Variants in HDAC9 observed in about 807,000 individuals in gnomAD.
The protein encoded by HDAC9 is MEF-2 interacting transcription repressor (MITR) protein.
A neutral mutation model predicts 139.4 loss-of-function variants in HDAC9; 41 were observed. The ratio of observed to expected loss-of-function variants is 0.29; its 90% CI spans 0.23 to 0.38. The LOEUF (loss-of-function observed/expected upper bound fraction) is 0.38. Among genes scored for constraint, HDAC9 ranks in the 10% least tolerant of loss-of-function variants. The pLI, the probability that HDAC9 is intolerant of heterozygous loss-of-function variation, is 1.00. For missense variants in HDAC9, 1,147 were observed against 1,297.0 expected, an observed-to-expected ratio of 0.88 and a Z score of 1.78; for synonymous variants, 517 against 476.2, an observed-to-expected ratio of 1.09 and a Z score of -1.12.
At chr7:18,138,291 G>T (rs1156399064) in intron 1 of HDAC9, among the ~76,000 whole-genome samples, 1 of 151,870 alleles carries the variant, frequency 6.6e-6, no homozygotes, top group Non-Finnish European at 1.5e-5. Context: ...GTTCTAAGGA[G>T]ACCATGAGCC....
intron 2 of HDAC9, among the ~76,000 whole-genome samples, chr7:18,256,024 T>G (rs1261543310): frequency 6.6e-6 from 1 of 152,122 alleles, no homozygotes; most frequent in Admixed American, 6.5e-5. Context: ...GATTTCATGA[T>G]TATTGTTGTT....
intron 13 of HDAC9, among the ~76,000 whole-genome samples, chr7:18,737,320 G>A (rs911454699): frequency 6.6e-6 from 1 of 152,120 alleles, no homozygotes; most frequent in Non-Finnish European, 1.5e-5. Context: ...GTTTAACTGT[G>A]ATATTAGGGT....
At chr7:18,510,392 T>A (rs896656124) in intron 2 of HDAC9, among the ~76,000 whole-genome samples, 1 of 152,142 alleles carries the variant, frequency 6.6e-6, no homozygotes, top group African/African-American at 2.4e-5. Context: ...AAGAGAAGAA[T>A]AAATTTAGTT....
At chr7:18,890,514 C>G (rs1010990759) in intron 22 of HDAC9, among the ~76,000 whole-genome samples, 1 of 152,148 alleles carries the variant, frequency 6.6e-6, no homozygotes, top group Non-Finnish European at 1.5e-5. Context: ...GTAAATAGTA[C>G]AGGTTTAATA....
In HDAC9 at chr7:18,585,265, T is replaced by C. The variant is rs750171131; in HGVS notation, c.23-16T>C. On this transcript the variant is annotated splice_polypyrimidine_tract_variant and intron_variant, in intron 2 of 25. Coordinates refer to ENST00000686413, the MANE Select transcript of HDAC9 (RefSeq NM_178425.4). ...ACCCTCCCCCACCCCATTTCCCTTT[T>C]TTTCTGGTTCTTTAGTGGATGTGAA... is the stretch of plus-strand genomic sequence containing the variant. 6.2e-7 allele frequency: 1 copy of C among 1,610,360 alleles called. No individual in the cohort carries two copies.
intron 1 of HDAC9, among the ~76,000 whole-genome samples, chr7:18,306,181 C>T (rs1316398649): frequency 6.6e-6 from 1 of 152,164 alleles, no homozygotes; most frequent in Admixed American, 6.5e-5. Context: ...GTACAACAGG[C>T]ACACAGGGTG....
intron 1 of HDAC9, among the ~76,000 whole-genome samples, chr7:18,114,957 G>A (rs548134013): frequency 6.6e-6 from 1 of 152,096 alleles, no homozygotes; most frequent in African/African-American, 2.4e-5. Context: ...CACTCCCAGG[G>A]AGCATAGAGT....
intron 2 of HDAC9, among the ~76,000 whole-genome samples, chr7:18,243,289 T>C (rs942790055): frequency 7.2e-5 from 11 of 152,256 alleles, no homozygotes; most frequent in Non-Finnish European, 1.3e-4. Context: ...ATTCTTGACT[T>C]CCTTTTCTTT....
chr7:18,961,380 A>T (rs1434080753), intron 24 of HDAC9, among the ~76,000 whole-genome samples: 1 of 152,176 alleles, frequency 6.6e-6, no homozygotes, highest in East Asian at 1.9e-4. Flanking sequence ...AGGATTAATA[A>T]TGTCTGGGTT....
chr7:18,238,612 T>A (rs1033885592), intron 2 of HDAC9, among the ~76,000 whole-genome samples: 1 of 152,174 alleles, frequency 6.6e-6, no homozygotes, highest in African/African-American at 2.4e-5. Flanking sequence ...ACCACAATTT[T>A]TAGATTCAGT....
At chr7:18,109,541 G>T (rs904085330) in intron 1 of HDAC9, among the ~76,000 whole-genome samples, 16 of 152,008 alleles carry the variant, frequency 1.1e-4, no homozygotes, top group African/African-American at 3.6e-4. Context: ...ATACATAGAT[G>T]GATTTCATAG....
At chr7:18,992,201 A>C (rs148794968) in intron 25 of HDAC9, among the ~76,000 whole-genome samples, 33 of 152,360 alleles carry the variant, frequency 2.2e-4, no homozygotes, top group African/African-American at 7.9e-4. Flanking sequence ...TATACTAGGA[A>C]GTTCACTACA....
At chr7:18,386,409 C>A (rs1029155118) in intron 1 of HDAC9, among the ~76,000 whole-genome samples, 1 of 152,136 alleles carries the variant, frequency 6.6e-6, no homozygotes, top group African/African-American at 2.4e-5. Context: ...TTTCATTGAA[C>A]TTGCATAGAA....
At chr7:18,243,101 C>T (rs1417658201) in intron 2 of HDAC9, among the ~76,000 whole-genome samples, 6 of 151,994 alleles carry the variant, frequency 3.9e-5, no homozygotes, top group Admixed American at 2.6e-4. Flanking sequence ...TCTTTTTTCC[C>T]CACTATTTCA....
Position 18,290,882 on chromosome 7 carries a change from C to T in HDAC9, c.-42+367C>T, listed in dbSNP as rs183632982. Among the ~76,000 whole-genome samples, 133 of 152,268 alleles carry T rather than the reference C, an allele frequency of 8.7e-4. 2 individuals are homozygous for T. In the Middle Eastern group the frequency reaches 0.01, roughly 12 times the overall value. On this transcript the variant is annotated intron_variant, in intron 1 of 3. Transcript: ENST00000413509. Reference sequence around the variant, plus strand: ...GCATTATCTACTGAAGCTGAATGTCCGCCTAGATCCTGAAACAGCTTAGTC... The same window carrying T: ...GCATTATCTACTGAAGCTGAATGTCTGCCTAGATCCTGAAACAGCTTAGTC...
At chr7:18,809,933 G>A (rs548394537) in intron 17 of HDAC9, among the ~76,000 whole-genome samples, 2 of 152,070 alleles carry the variant, frequency 1.3e-5, no homozygotes, top group South Asian at 4.1e-4. Context: ...GCTCTTTGAA[G>A]CATTACTCAC....
At chr7:18,510,265 C>T (rs775043522) in intron 2 of HDAC9, among the ~76,000 whole-genome samples, 4 of 152,094 alleles carry the variant, frequency 2.6e-5, no homozygotes, top group Non-Finnish European at 5.9e-5. Flanking sequence ...TGTGATTTTT[C>T]AATGAATAAT....
At chr7:18,352,006 A>C (rs1782885732) in intron 1 of HDAC9, among the ~76,000 whole-genome samples, 1 of 152,228 alleles carries the variant, frequency 6.6e-6, no homozygotes. Flanking sequence ...TGGAGAACAA[A>C]AGCTCAAGAA....
At chr7:18,963,123 T>C (rs1416331364) in intron 24 of HDAC9, among the ~76,000 whole-genome samples, 2 of 152,118 alleles carry the variant, frequency 1.3e-5, no homozygotes, top group African/African-American at 2.4e-5. Flanking sequence ...TTGAAATACA[T>C]TAGTGGGCTT....
Sources: allele counts gnomAD v4.1 joint callset (sites outside exome capture counted in the v4.1 genomes callset), GRCh38; gene constraint gnomAD v4.1.1; transcripts MANE v1.5; gene names NCBI Gene and HGNC (gene_info 2026-07-23, HGNC 2026-07-21).